Variants in GRIA1 observed in about 807,000 individuals in gnomAD.
GRIA1 encodes glutamate ionotropic receptor AMPA type subunit 1.
Under a neutral mutation model 99.2 loss-of-function variants are expected in GRIA1, and 31 were observed. The ratio of observed to expected loss-of-function variants is 0.31; its 90% CI spans 0.23 to 0.42. The LOEUF (loss-of-function observed/expected upper bound fraction) is 0.42. Ranked by LOEUF, GRIA1 falls within the 10% of genes least tolerant of loss-of-function variation. The probability of loss-of-function intolerance (pLI) is 1.00; values close to 1 mark genes in which losing one functional copy is unlikely to be tolerated. For missense variants in GRIA1, 782 were observed against 1,157.5 expected (o/e 0.68, Z 4.71); for synonymous variants, 438 against 432.4 (o/e 1.01, Z -0.16).
At chr5:153,631,710 T>C (rs1752978561) in intron 2 of GRIA1, among the ~76,000 whole-genome samples, 1 of 152,204 alleles carries the variant, frequency 6.6e-6, no homozygotes, top group Non-Finnish European at 1.5e-5. Context: ...TTTTGGTATA[T>C]TTTTTAAATA....
At chr5:153,605,590 C>G (rs1765370596) in intron 2 of GRIA1, among the ~76,000 whole-genome samples, 1 of 152,184 alleles carries the variant, frequency 6.6e-6, no homozygotes, top group South Asian at 2.1e-4. Flanking sequence ...TACCAATTTA[C>G]ACTCCCACCA....
Position 153,664,305 on chromosome 5 carries a change from C to G in GRIA1, c.699+8433C>G, listed in dbSNP as rs569559600. Among the ~76,000 whole-genome samples the G allele has an allele frequency of 3.9e-5, 6 of 152,246 alleles. No homozygotes were observed. In the East Asian group the frequency reaches 1.2e-3, roughly 29 times the overall value. The stretch of plus-strand genomic sequence containing the variant: ...TACCATAATAATCCTTATGTTGCAG[C>G]AAAGGTTACTGAGGCACTAAAAGGT... On this transcript the variant is annotated intron_variant, in intron 5 of 15. Transcript: ENST00000285900.
intron 12 of GRIA1, among the ~76,000 whole-genome samples, chr5:153,766,359 C>T (rs910593901): frequency 6.6e-6 from 1 of 152,156 alleles, no homozygotes; most frequent in Non-Finnish European, 1.5e-5. Flanking sequence ...GTCCATAAAG[C>T]CTGTCCTATG....
chr5:153,727,829 A>G (rs1394718890), intron 11 of GRIA1, among the ~76,000 whole-genome samples: 1 of 152,022 alleles, frequency 6.6e-6, no homozygotes, highest in African/African-American at 2.4e-5. Flanking sequence ...TATAGATTCA[A>G]TGCCATCCCC....
intron 13 of GRIA1, among the ~76,000 whole-genome samples, chr5:153,782,446 AT>A (rs1764693305): frequency 1.3e-5 from 2 of 152,220 alleles, no homozygotes; most frequent in Non-Finnish European, 2.9e-5. Context: ...TAATGTTGAC[AT>A]GTAGGAATGT....
chr5:153,645,657 T>A (rs1158055510), intron 2 of GRIA1, among the ~76,000 whole-genome samples: 1 of 152,116 alleles, frequency 6.6e-6, no homozygotes, highest in Non-Finnish European at 1.5e-5. Flanking sequence ...AAGGAGCATC[T>A]TGTGGGGCTA....
At chr5:153,809,852 T>C (rs1029820892) in intron 15 of GRIA1, among the ~76,000 whole-genome samples, 1 of 151,984 alleles carries the variant, frequency 6.6e-6, no homozygotes, top group Non-Finnish European at 1.5e-5. Flanking sequence ...GCTGGTGTAG[T>C]CTAGGAAGGC....
intron 15 of GRIA1, among the ~76,000 whole-genome samples, chr5:153,806,820 C>A (rs1485981526): frequency 1.3e-5 from 2 of 152,202 alleles, no homozygotes; most frequent in Admixed American, 1.3e-4. Flanking sequence ...GTTGTTCTTA[C>A]AATCCTACAG....
chr5:153,491,657 T>C (rs578022558), intron 1 of GRIA1, among the ~76,000 whole-genome samples: 62 of 152,112 alleles, frequency 4.1e-4, no homozygotes, highest in Admixed American at 9.8e-4. Context: ...CCTTGCCCCC[T>C]CCTCTTAGAT....
At chr5:153,496,914 A>AT (rs1186740753) in intron 2 of GRIA1, among the ~76,000 whole-genome samples, 1 of 151,762 alleles carries the variant, frequency 6.6e-6, no homozygotes, top group Non-Finnish European at 1.5e-5. Context: ...CTGTCATTTG[A>AT]TTTTTTCCCT....
chr5:153,532,533 T>G (rs1211676333), intron 2 of GRIA1, among the ~76,000 whole-genome samples: 4 of 152,168 alleles, frequency 2.6e-5, no homozygotes, highest in Non-Finnish European at 4.4e-5. Flanking sequence ...TGCTCCCATT[T>G]AGTTGGAACG....
chr5:153,719,407 AGCC>A (rs1759894413), intron 11 of GRIA1, among the ~76,000 whole-genome samples: 1 of 151,784 alleles, frequency 6.6e-6, no homozygotes, highest in African/African-American at 2.4e-5. Context: ...TTGTATCTGG[AGCC>A]TTCGATGGAA....
At chr5:153,682,484 C>G (rs895164685) in intron 7 of GRIA1, among the ~76,000 whole-genome samples, 1 of 152,160 alleles carries the variant, frequency 6.6e-6, no homozygotes, top group African/African-American at 2.4e-5. Flanking sequence ...CTTGCTAAGT[C>G]GGTTTAGCAA....
At chr5:153,568,495 G>C (rs1209374768) in intron 2 of GRIA1, among the ~76,000 whole-genome samples, 1 of 152,018 alleles carries the variant, frequency 6.6e-6, no homozygotes, top group Non-Finnish European at 1.5e-5. Flanking sequence ...TGATTCAAAT[G>C]GTTTTTTTTA....
intron 11 of GRIA1, among the ~76,000 whole-genome samples, chr5:153,727,831 G>A (rs1301942413): frequency 3.3e-5 from 5 of 151,878 alleles, no homozygotes; most frequent in Admixed American, 6.6e-5. Flanking sequence ...TAGATTCAAT[G>A]CCATCCCCAT....
intron 2 of GRIA1, among the ~76,000 whole-genome samples, chr5:153,524,379 C>T (rs1359266078): frequency 6.6e-6 from 1 of 152,152 alleles, no homozygotes; most frequent in African/African-American, 2.4e-5. Flanking sequence ...TGATAACAAA[C>T]TTCCGAAATG....
At chr5:153,537,095 A>G (rs1339387399) in intron 2 of GRIA1, among the ~76,000 whole-genome samples, 1 of 152,196 alleles carries the variant, frequency 6.6e-6, no homozygotes, top group African/African-American at 2.4e-5. Flanking sequence ...GCAATCGGAC[A>G]TCTTGGGAAC....
At chr5:153,674,448 T>C (rs1440850544) in intron 5 of GRIA1, 52 bp from the exon 6 acceptor site, 77 of 1,602,838 alleles carry the variant, frequency 4.8e-5, no homozygotes, top group Non-Finnish European at 6.1e-5. Context: ...ACAGGTTAAG[T>C]TGATTTATCC....
intron 2 of GRIA1, among the ~76,000 whole-genome samples, chr5:153,520,901 C>G (rs763968027): frequency 1.3e-5 from 2 of 152,148 alleles, no homozygotes; most frequent in African/African-American, 2.4e-5. Flanking sequence ...TTCCATGAAG[C>G]AGGTAATGTT....
Sources: gnomAD v4.1 joint callset for allele counts (sites outside exome capture counted in the v4.1 genomes callset) on GRCh38, gnomAD v4.1.1 for gene constraint, MANE v1.5 for transcripts, NCBI Gene and HGNC (gene_info 2026-07-23, HGNC 2026-07-21) for gene names.